Variants in AHCYL2 observed in about 807,000 individuals in gnomAD.
The protein encoded by AHCYL2 is adenosylhomocysteinase like 2.
Under a neutral mutation model 81.4 loss-of-function variants are expected in AHCYL2, and 28 were observed. That is an observed-to-expected ratio of 0.34 (90% confidence interval 0.25 to 0.47). The LOEUF (loss-of-function observed/expected upper bound fraction) is 0.47. Among genes scored for constraint, AHCYL2 ranks in the 20% least tolerant of loss-of-function variants. AHCYL2 has a pLI of 1.00. For missense variants in AHCYL2, 551 were observed against 785.1 expected, an observed-to-expected ratio of 0.70 and a Z score of 3.56; for synonymous variants, 272 against 290.2, an observed-to-expected ratio of 0.94 and a Z score of 0.64.
Position 129,429,332 on chromosome 7 carries a change from A to T in AHCYL2, c.*2287A>T, listed in dbSNP as rs1157139708. ...ATTTGGGTTCTATCTTAGGGTTGAA[A>T]TCTGGTCATTATTCCCTCTACCCTT... On this transcript the variant is annotated 3_prime_UTR_variant, in exon 17 of 17. Coordinates refer to ENST00000325006, the MANE Select transcript of AHCYL2 (RefSeq NM_015328.4). 1.3e-5 allele frequency: 2 copies of T among 152,192 alleles called. No homozygotes were observed. Among genetic ancestry groups the T allele is most frequent in the African/African-American group, 2.4e-5 (1 of 41,450 alleles). 9.4% of individuals were successfully genotyped at this position (152,192 alleles called of 1,614,324 possible). A position where few individuals can be genotyped will look rare whatever the true frequency, so the allele number is the denominator to read the frequency against.
intron 1 of AHCYL2, among the ~76,000 whole-genome samples, chr7:129,266,553 C>T (rs907863164): frequency 6.6e-6 from 1 of 152,068 alleles, no homozygotes; most frequent in African/African-American, 2.4e-5. Flanking sequence ...AAAATTACAC[C>T]TTGGGAGAAC....
intron 1 of AHCYL2, among the ~76,000 whole-genome samples, chr7:129,278,718 T>C (rs1796309605): frequency 6.6e-6 from 1 of 151,920 alleles, no homozygotes; most frequent in Admixed American, 6.6e-5. Context: ...CAATGGCCCA[T>C]TTTGAGTTAA....
At chr7:129,268,369 A>G (rs190071114) in intron 1 of AHCYL2, among the ~76,000 whole-genome samples, 14 of 151,880 alleles carry the variant, frequency 9.2e-5, no homozygotes, top group Admixed American at 3.3e-4. Flanking sequence ...GTTTTTTGAG[A>G]CGGAGTCTTA....
chr7:129,276,172 G>A (rs957508582), intron 1 of AHCYL2, among the ~76,000 whole-genome samples: 10 of 151,956 alleles, frequency 6.6e-5, no homozygotes, highest in South Asian at 4.1e-4. Context: ...AAGTAAAGCC[G>A]AATGATAATA....
At chr7:129,385,949 G>A (rs1431985598) in intron 2 of AHCYL2, among the ~76,000 whole-genome samples, 3 of 152,112 alleles carry the variant, frequency 2.0e-5, no homozygotes, top group Non-Finnish European at 2.9e-5. Context: ...GTTACTCTGT[G>A]GCAGAAATGA....
intron 1 of AHCYL2, among the ~76,000 whole-genome samples, chr7:129,239,091 A>G (rs1456561284): frequency 1.3e-5 from 2 of 152,260 alleles, no homozygotes; most frequent in African/African-American, 4.8e-5. Flanking sequence ...TATTTAAAAC[A>G]AAATGGTAAC....
chr7:129,426,353 CTT>C lies in AHCYL2; in HGVS notation c.1709-88_1709-87del. The C allele has an allele frequency of 1.3e-6, 2 of 1,597,340 alleles. No homozygotes were observed. Among genetic ancestry groups the C allele is most frequent in the Non-Finnish European group, 1.7e-6 (2 of 1,165,910 alleles). On this transcript the variant is annotated intron_variant, in intron 15 of 16. Coordinates refer to ENST00000325006, the MANE Select transcript of AHCYL2 (RefSeq NM_015328.4). This position sits in a 1 kb window ranked among gnomAD's most constrained non-coding sequence, Gnocchi z 4.3. ...TTCAGCTCCAGGAATTAGAAGGTGT[CTT>C]TGAACTTTTTAAGGCCTAGCTTGGG...
At chr7:129,300,501 C>A (rs1256441660) in intron 1 of AHCYL2, among the ~76,000 whole-genome samples, 1 of 152,132 alleles carries the variant, frequency 6.6e-6, no homozygotes, top group Non-Finnish European at 1.5e-5. Context: ...CTGAATAGTA[C>A]TCCATTGCTT....
Position 129,367,882 on chromosome 7 carries a change from C to G in AHCYL2, c.364-11756C>G, listed in dbSNP as rs531492792. Among the ~76,000 whole-genome samples, 5 of 152,280 alleles carry G rather than the reference C, an allele frequency of 3.3e-5. No homozygotes were observed. The South Asian group carries it at 1.0e-3, about 32-fold the overall frequency. Reference sequence around the variant, plus strand: ...CAATAAGACTCTAACTTGAGATATGCGAGAGTTTGGTGCCAGACCCCTGGT... The same window carrying G: ...CAATAAGACTCTAACTTGAGATATGGGAGAGTTTGGTGCCAGACCCCTGGT... On this transcript the variant is annotated intron_variant, in intron 1 of 16. Transcript: ENST00000325006.
intron 1 of AHCYL2, among the ~76,000 whole-genome samples, chr7:129,255,549 G>A (rs530727766): frequency 1.3e-5 from 2 of 152,178 alleles, no homozygotes; most frequent in East Asian, 1.9e-4. Flanking sequence ...GCATAGACAC[G>A]TCATCTATTT....
chr7:129,414,169 C>T (rs921733253), intron 12 of AHCYL2, among the ~76,000 whole-genome samples: 3 of 152,110 alleles, frequency 2.0e-5, no homozygotes, highest in African/African-American at 4.8e-5. Flanking sequence ...TCAAATACTG[C>T]GGTTTCTTCT....
chr7:129,374,807 CAA>C (rs35477492), intron 1 of AHCYL2, among the ~76,000 whole-genome samples: 15 of 84,868 alleles, frequency 1.8e-4, no homozygotes, highest in Middle Eastern at 6.8e-3. Flanking sequence ...AACTCCATCT[CAA>C]AAAAAAAAAA....
chr7:129,309,218 C>T (rs1797553012), intron 1 of AHCYL2, among the ~76,000 whole-genome samples: 3 of 151,950 alleles, frequency 2.0e-5, no homozygotes, highest in African/African-American at 4.8e-5. Context: ...GGCGACAGAG[C>T]AAGACTTCGT....
chr7:129,312,044 A>G (rs1289370045), intron 1 of AHCYL2, among the ~76,000 whole-genome samples: 2 of 152,062 alleles, frequency 1.3e-5, no homozygotes. Context: ...GCTGGAGTAC[A>G]GTGGTGCAGT....
chr7:129,380,069 CT>C lies in AHCYL2; in HGVS notation c.475+332del, dbSNP rs1207543327. 7.4e-3 allele frequency among the ~76,000 whole-genome samples: 1,067 copies of C among 144,036 alleles called. 8 individuals are homozygous for C. Among genetic ancestry groups the C allele is most frequent in the African/African-American group, 0.022 (862 of 39,720 alleles). The allele number at this position is 144,036 out of a possible 152,430, so 94.5% of individuals were successfully genotyped here. On this transcript the variant is annotated intron_variant, in intron 2 of 16. Transcript: ENST00000325006. Reference sequence around the variant, plus strand: ...AACAGTATGTGTATATACTTGTGGTCTTTTTTTTTTTTCATCCTTTGAAAAT... The same window carrying C: ...AACAGTATGTGTATATACTTGTGGTCTTTTTTTTTTTCATCCTTTGAAAAT...
chr7:129,424,008 C>T (rs910023766), intron 13 of AHCYL2, among the ~76,000 whole-genome samples: 1 of 152,038 alleles, frequency 6.6e-6, no homozygotes, highest in South Asian at 2.1e-4. Context: ...AAGCAAGTAC[C>T]ATGGGTGTTT....
At chr7:129,275,067 A>G (rs945549484) in intron 1 of AHCYL2, among the ~76,000 whole-genome samples, 2 of 152,182 alleles carry the variant, frequency 1.3e-5, no homozygotes, top group African/African-American at 2.4e-5. Flanking sequence ...GATTTAGAAT[A>G]GTTTTTAAAT....
chr7:129,225,578 C>T (rs896917878), intron 1 of AHCYL2, 139 bp downstream of exon 1: 3 of 1,351,916 alleles, frequency 2.2e-6, no homozygotes, highest in South Asian at 1.8e-5. Context: ...CTTAAACCCA[C>T]TCTCTCAGAG....
intron 1 of AHCYL2, among the ~76,000 whole-genome samples, chr7:129,240,188 C>G (rs777836416): frequency 4.0e-5 from 6 of 151,814 alleles, no homozygotes; most frequent in Non-Finnish European, 7.4e-5. Flanking sequence ...GCACTCCAGC[C>G]TGGGCAACAT....
Sources: gnomAD v4.1 joint callset for allele counts (sites outside exome capture counted in the v4.1 genomes callset) on GRCh38, gnomAD v4.1.1 for gene constraint, Gnocchi (gnomAD v3.1) non-coding constraint, MANE v1.5 for transcripts, NCBI Gene and HGNC (gene_info 2026-07-23, HGNC 2026-07-21) for gene names.